Variants in TRAPPC9 observed in about 807,000 individuals in gnomAD.
TRAPPC9 encodes the protein IKK2 binding protein.
In TRAPPC9, 83 loss-of-function variants were observed where a neutral mutation model predicts 124.0. The observed-to-expected ratio is 0.67, with a 90% CI of 0.56 to 0.80. The LOEUF (loss-of-function observed/expected upper bound fraction) is 0.80. Ranked by LOEUF, TRAPPC9 falls within the 30% of genes least tolerant of loss-of-function variation. TRAPPC9 has a pLI of 0.00. For missense variants in TRAPPC9, 1,302 were observed against 1,508.3 expected (o/e 0.86, Z 2.27); for synonymous variants, 638 against 617.5 (o/e 1.03, Z -0.49).
intron 7 of TRAPPC9, among the ~76,000 whole-genome samples, chr8:140,380,654 CAAAAAAAAAAAAAA>C (rs563391017): frequency 8.2e-5 from 4 of 48,604 alleles, no homozygotes; most frequent in African/African-American, 2.4e-4. Flanking sequence ...GACTCTGTCT[CAAAAAAAAAAAAAA>C]AAAAAAAAAA....
chr8:139,831,037 G>A (rs1045451600), intron 21 of TRAPPC9, among the ~76,000 whole-genome samples: 6 of 152,200 alleles, frequency 3.9e-5, no homozygotes, highest in East Asian at 3.9e-4. Flanking sequence ...CTTGGGAAGC[G>A]GGAGCACTTG....
intron 16 of TRAPPC9, among the ~76,000 whole-genome samples, chr8:140,250,496 C>T (rs1038887822): frequency 1.3e-5 from 2 of 152,132 alleles, no homozygotes; most frequent in African/African-American, 4.8e-5. Context: ...GGGGTCGTCT[C>T]CCAGTTCCCA....
intron 17 of TRAPPC9, among the ~76,000 whole-genome samples, chr8:140,038,297 G>A (rs959175174): frequency 6.6e-6 from 1 of 152,164 alleles, no homozygotes; most frequent in African/African-American, 2.4e-5. Flanking sequence ...CTGCTCACCC[G>A]TGCTCCACGG....
rs568017472 is a variant in TRAPPC9, at chr8:140,394,302, C to T, written c.1134+3318G>A. The stretch of plus-strand genomic sequence containing the variant: ...GGGTCCGTTTAAAAGCACAGTCCAC[C>T]CTCCACTGTCACAAAAGATGTCTCT... On this transcript the variant is annotated intron_variant, in intron 7 of 22. Coordinates refer to ENST00000438773, the MANE Select transcript of TRAPPC9 (RefSeq NM_001160372.4). 2.0e-5 allele frequency among the ~76,000 whole-genome samples: 3 copies of T among 152,304 alleles called. No homozygotes were observed. In the South Asian group the frequency reaches 6.2e-4, roughly 32 times the overall value.
intron 17 of TRAPPC9, among the ~76,000 whole-genome samples, chr8:140,162,156 C>T (rs1039006258): frequency 6.6e-6 from 1 of 152,164 alleles, no homozygotes; most frequent in Admixed American, 6.5e-5. Flanking sequence ...CCAGGCGAAA[C>T]TGAGAATGAG....
rs2065097351 is a variant in TRAPPC9 at position 140,275,762 on chromosome 8, T to C, written c.2174A>G (p.Gln725Arg). The C allele has an allele frequency of 6.2e-7, 1 of 1,613,664 alleles. No homozygotes were observed. Among genetic ancestry groups the C allele is most frequent in the East Asian group, 2.2e-5 (1 of 44,876 alleles). The change falls in exon 15 of 23, where the codon CAG becomes CGG. Residue 725 changes from glutamine to arginine, a missense_variant. By Grantham distance (43) the Gln-to-Arg change is conservative. Around this residue, in one of 3 missense-constraint regions of TRAPPC9, gnomAD observed 640 missense variants for 679.3 expected, o/e 0.94. Coordinates refer to ENST00000438773, the MANE Select transcript of TRAPPC9 (RefSeq NM_001160372.4). ...GDEISTNVSV[Q>R]LYNGESQQLI... is the part of the protein sequence containing the mutation. Reference sequence around the variant, plus strand: ...TTGCTGACTTTCTCCATTGTAAAGCTGGACAGATACATTAGTAGATATTTC... The same window carrying C: ...TTGCTGACTTTCTCCATTGTAAAGCCGGACAGATACATTAGTAGATATTTC...
intron 3 of TRAPPC9, among the ~76,000 whole-genome samples, chr8:140,436,610 G>A (rs750500966): frequency 6.6e-6 from 1 of 152,096 alleles, no homozygotes; most frequent in Non-Finnish European, 1.5e-5. Context: ...AGAGGCCCAC[G>A]GCACACAGCA....
intron 17 of TRAPPC9, among the ~76,000 whole-genome samples, chr8:140,198,217 G>C (rs1441557005): frequency 6.6e-6 from 1 of 152,156 alleles, no homozygotes; most frequent in Non-Finnish European, 1.5e-5. Flanking sequence ...AAACTTTATA[G>C]TTTAAACAAA....
intron 17 of TRAPPC9, among the ~76,000 whole-genome samples, chr8:140,135,911 C>T (rs1011479707): frequency 2.0e-5 from 3 of 152,152 alleles, no homozygotes; most frequent in African/African-American, 7.2e-5. Flanking sequence ...GGCTTTCCTT[C>T]TATATAGAAA....
At chr8:140,333,455 C>T (rs968271068) in intron 9 of TRAPPC9, among the ~76,000 whole-genome samples, 1 of 152,144 alleles carries the variant, frequency 6.6e-6, no homozygotes, top group African/African-American at 2.4e-5. Flanking sequence ...TGCAATGGTG[C>T]GATCTCAGCT....
At chr8:140,441,460 G>T (rs1280484474) in intron 2 of TRAPPC9, among the ~76,000 whole-genome samples, 1 of 152,082 alleles carries the variant, frequency 6.6e-6, no homozygotes, top group Non-Finnish European at 1.5e-5. Context: ...TTTTAAATTA[G>T]ACTTTAAAGC....
Position 140,250,540 on chromosome 8 carries a change from C to A in TRAPPC9, c.2431+2237G>T, listed in dbSNP as rs551469016. Among the ~76,000 whole-genome samples, 25 of 152,256 alleles carry A rather than the reference C, an allele frequency of 1.6e-4. No homozygotes were observed. The South Asian group carries it at 5.2e-3, about 32-fold the overall frequency. On this transcript the variant is annotated intron_variant, in intron 16 of 22. Transcript: ENST00000438773. ...AAATGAGCCTCTGCCACTGAGTTCA[C>A]AGCCACTTCACATAAGGGCGCCGTG...
At chr8:140,270,808 A>C (rs1281461453) in intron 15 of TRAPPC9, among the ~76,000 whole-genome samples, 1 of 152,206 alleles carries the variant, frequency 6.6e-6, no homozygotes, top group Non-Finnish European at 1.5e-5. Flanking sequence ...TTAGCTCCTG[A>C]CAGCAATGCG....
chr8:140,376,877 A>C (rs1283755083), intron 7 of TRAPPC9, among the ~76,000 whole-genome samples: 1 of 151,330 alleles, frequency 6.6e-6, no homozygotes. Context: ...CCATCTCAAA[A>C]AAAAAAAAAA....
At chr8:140,124,566 C>T (rs1457903947) in intron 17 of TRAPPC9, among the ~76,000 whole-genome samples, 2 of 151,982 alleles carry the variant, frequency 1.3e-5, no homozygotes, top group African/African-American at 2.4e-5. Context: ...CATCTTTGGG[C>T]GGGGGGGCAT....
At chr8:140,444,336 C>T (rs887291078) in intron 2 of TRAPPC9, among the ~76,000 whole-genome samples, 5 of 152,240 alleles carry the variant, frequency 3.3e-5, no homozygotes, top group African/African-American at 1.2e-4. Flanking sequence ...CAGTCCCTCC[C>T]CCAATTCCCC....
chr8:140,276,165 C>T (rs1190829153), intron 14 of TRAPPC9, among the ~76,000 whole-genome samples: 2 of 152,212 alleles, frequency 1.3e-5, no homozygotes, highest in Admixed American at 6.5e-5. Context: ...TTCAAATAAA[C>T]CATGAGGCCG....
At chr8:139,791,912 T>C (rs1485175382) in intron 21 of TRAPPC9, among the ~76,000 whole-genome samples, 1 of 152,074 alleles carries the variant, frequency 6.6e-6, no homozygotes, top group Non-Finnish European at 1.5e-5. Context: ...GGTGGGGGTG[T>C]GGAAGGAGCC....
intron 10 of TRAPPC9, among the ~76,000 whole-genome samples, chr8:140,310,852 G>A (rs2066277562): frequency 6.6e-6 from 1 of 152,034 alleles, no homozygotes; most frequent in African/African-American, 2.4e-5. Flanking sequence ...TGGGCGAGGA[G>A]CTGCCCTGTT....
Sources: gnomAD v4.1 joint callset for allele counts (sites outside exome capture counted in the v4.1 genomes callset) on GRCh38, gnomAD v4.1.1 for gene constraint, gnomAD v4.1.1 regional missense constraint, MANE v1.5 for transcripts, NCBI Gene and HGNC (gene_info 2026-07-23, HGNC 2026-07-21) for gene names.